RAB6A: variants seen among roughly 807,000 people sequenced by gnomAD.
RAB6A encodes the protein RAB6A, member RAS oncogene family.
RAB6A carries 8 observed loss-of-function variants against 32.3 expected under a neutral mutation model. That is an observed-to-expected ratio of 0.25 (90% confidence interval 0.15 to 0.45). The LOEUF is 0.45. RAB6A is among the 20% of genes least tolerant of loss of function. The probability of loss-of-function intolerance (pLI) is 1.00; values close to 1 mark genes in which losing one functional copy is unlikely to be tolerated. For synonymous variants in RAB6A, 73 were observed against 82.1 expected (o/e 0.89, Z 0.60); for missense variants, 104 against 249.4 (o/e 0.42, Z 3.93).
At position 73,740,587 on chromosome 11, in the gene RAB6A, T is replaced by TA. The variant is rs937295662; in HGVS notation, c.71-9765dup. Reference sequence around the variant, plus strand: ...TTTTTTGTTTCTCCTAAAGTTAATTTAAAAAAAAAAAAACTAGCTGGCCAG... The same window carrying TA: ...TTTTTTGTTTCTCCTAAAGTTAATTTAAAAAAAAAAAAAACTAGCTGGCCAG... On this transcript the variant is annotated intron_variant, in intron 1 of 7. Coordinates refer to ENST00000336083, the MANE Select transcript of RAB6A (RefSeq NM_198896.2). Among the ~76,000 whole-genome samples, 249 of 145,946 alleles carry TA rather than the reference T, an allele frequency of 1.7e-3. 1 individual carries two copies. The highest frequency in any genetic ancestry group is 3.5e-3 in the Middle Eastern group (1 of 282).
At chr11:73,688,133 G>A (rs1386437486) in intron 6 of RAB6A, among the ~76,000 whole-genome samples, 2 of 152,172 alleles carry the variant, frequency 1.3e-5, no homozygotes, top group African/African-American at 4.8e-5. Context: ...TGATTAATAA[G>A]TATGAGAGGA....
intron 1 of RAB6A, among the ~76,000 whole-genome samples, chr11:73,731,590 C>A (rs1946302026): frequency 6.7e-6 from 1 of 148,368 alleles, no homozygotes; most frequent in African/African-American, 2.5e-5. Flanking sequence ...TTTTAAAATT[C>A]ATTTCAAAAC....
chr11:73,730,631 A>G, intron 2 of RAB6A, 134 bp downstream of exon 2: 1 of 697,996 alleles, frequency 1.4e-6, no homozygotes, highest in South Asian at 1.9e-5. Context: ...TACACATTGT[A>G]TTTATACAGC....
At chr11:73,692,279 C>G (rs556040238) in intron 6 of RAB6A, among the ~76,000 whole-genome samples, 1 of 150,720 alleles carries the variant, frequency 6.6e-6, no homozygotes, top group Admixed American at 6.6e-5. Context: ...CCGAGGTGGG[C>G]GGATCATGAG....
chr11:73,702,242 G>A (rs573954805), intron 6 of RAB6A, among the ~76,000 whole-genome samples: 5 of 152,290 alleles, frequency 3.3e-5, no homozygotes, highest in African/African-American at 4.8e-5. Flanking sequence ...CCTCACTGCA[G>A]CCTTGAACTC....
intron 1 of RAB6A, among the ~76,000 whole-genome samples, chr11:73,755,513 G>A (rs1469684813): frequency 1.3e-5 from 2 of 152,124 alleles, no homozygotes; most frequent in Non-Finnish European, 2.9e-5. Flanking sequence ...GGCTGGTCTC[G>A]AACCCCTGAC....
intron 1 of RAB6A, among the ~76,000 whole-genome samples, chr11:73,743,861 G>GA (rs1457246715): frequency 2.0e-5 from 3 of 151,646 alleles, no homozygotes; most frequent in African/African-American, 7.3e-5. Flanking sequence ...CTGCCTGAAG[G>GA]AAAAAAAACT....
chr11:73,692,070 T>C (rs1226708436), intron 6 of RAB6A, among the ~76,000 whole-genome samples: 1 of 152,174 alleles, frequency 6.6e-6, no homozygotes, highest in Non-Finnish European at 1.5e-5. Context: ...AATTGTCAGA[T>C]TAATTCTTTG....
chr11:73,705,153 G>T (rs1454205248), intron 6 of RAB6A, among the ~76,000 whole-genome samples: 4 of 152,190 alleles, frequency 2.6e-5, no homozygotes, highest in Non-Finnish European at 5.9e-5. Context: ...GTCAGGGCTA[G>T]GGGACTACAG....
At chr11:73,682,104 C>A (rs548494088) in intron 6 of RAB6A, among the ~76,000 whole-genome samples, 1 of 152,086 alleles carries the variant, frequency 6.6e-6, no homozygotes, top group East Asian at 1.9e-4. Context: ...ATCAATATAA[C>A]ATTAATTATA....
chr11:73,736,811 A>AAG (rs1555066454), intron 1 of RAB6A, among the ~76,000 whole-genome samples: 1 of 137,074 alleles, frequency 7.3e-6, no homozygotes. Flanking sequence ...AAAAAAAAGA[A>AAG]AAAAAAAAAA....
At chr11:73,754,871 A>G (rs1269433446) in intron 1 of RAB6A, among the ~76,000 whole-genome samples, 1 of 117,646 alleles carries the variant, frequency 8.5e-6, no homozygotes, top group African/African-American at 3.1e-5. Flanking sequence ...CCTGGGCAAC[A>G]GAGGGATGCA....
chr11:73,693,805 G>A (rs1225310995), intron 6 of RAB6A, among the ~76,000 whole-genome samples: 2 of 151,634 alleles, frequency 1.3e-5, no homozygotes, highest in African/African-American at 4.8e-5. Flanking sequence ...TTGAACCCAG[G>A]AGATGGAGGC....
At chr11:73,688,789 A>T (rs1468579152) in intron 6 of RAB6A, among the ~76,000 whole-genome samples, 1 of 152,222 alleles carries the variant, frequency 6.6e-6, no homozygotes, top group Non-Finnish European at 1.5e-5. Context: ...AGGTTCTCCC[A>T]ATCCTGAAGA....
chr11:73,728,578 G>T (rs1484118944), intron 2 of RAB6A, among the ~76,000 whole-genome samples: 1 of 141,718 alleles, frequency 7.1e-6, no homozygotes, highest in South Asian at 2.2e-4. Flanking sequence ...TTCAATACCA[G>T]CCTGGGCAAC....
chr11:73,714,567 C>G (rs1946024315), intron 5 of RAB6A, among the ~76,000 whole-genome samples: 1 of 151,684 alleles, frequency 6.6e-6, no homozygotes, highest in African/African-American at 2.4e-5. Flanking sequence ...GAGGCTGAGG[C>G]AGGAGAATTG....
chr11:73,720,764 T>G, intron 3 of RAB6A, 82 bp downstream of exon 3: 5 of 1,097,934 alleles, frequency 4.6e-6, no homozygotes, highest in Non-Finnish European at 5.5e-6. Flanking sequence ...GTACTTCTTA[T>G]GGTGACAATC....
In RAB6A at chr11:73,710,632, G is replaced by A. The variant is rs528126634; in HGVS notation, c.402-3119C>T. 1.9e-3 allele frequency among the ~76,000 whole-genome samples: 290 copies of A among 152,118 alleles called. 1 individual carries two copies. Among genetic ancestry groups the A allele is most frequent in the Non-Finnish European group, 3.7e-3 (253 of 68,000 alleles). ...CATCCCTGTAGTCCCAGCTACTCAG[G>A]AGGCTGAAGCAGGAGAATCACTTAA... is the stretch of plus-strand genomic sequence containing the variant. On this transcript the variant is annotated intron_variant, in intron 5 of 7. Transcript: ENST00000336083.
intron 6 of RAB6A, among the ~76,000 whole-genome samples, chr11:73,683,952 T>C (rs924112972): frequency 6.6e-6 from 1 of 152,152 alleles, no homozygotes; most frequent in Non-Finnish European, 1.5e-5. Flanking sequence ...AATCGATCAA[T>C]GCAGAAAACT....
Sources: gnomAD v4.1 joint callset for allele counts (sites outside exome capture counted in the v4.1 genomes callset) on GRCh38, gnomAD v4.1.1 for gene constraint, MANE v1.5 for transcripts, NCBI Gene and HGNC (gene_info 2026-07-23, HGNC 2026-07-21) for gene names.